The following STK32A variants were observed in gnomAD, a reference collection of about 807,000 sequenced individuals.
STK32A encodes the protein serine/threonine kinase 32A.
STK32A carries 41 observed loss-of-function variants against 53.2 expected under a neutral mutation model. The ratio of observed to expected loss-of-function variants is 0.77; its 90% confidence interval spans 0.60 to 1.00. STK32A has a LOEUF of 1.00. Ranked by LOEUF, STK32A falls within the 50% of genes least tolerant of loss-of-function variation. The pLI is 0.00. For missense variants in STK32A, 458 were observed against 485.8 expected, an observed-to-expected ratio of 0.94 and a Z score of 0.54; for synonymous variants, 166 against 162.8, an observed-to-expected ratio of 1.02 and a Z score of -0.15.
chr5:147,316,868 A>G (rs1299798227), intron 4 of STK32A, among the ~76,000 whole-genome samples: 1 of 150,818 alleles, frequency 6.6e-6, no homozygotes, highest in African/African-American at 2.4e-5. Context: ...CGAAAAAAAA[A>G]AAAAAAAAAA....
chr5:147,237,258 A>G (rs1259091673), intron 1 of STK32A, among the ~76,000 whole-genome samples: 1 of 152,064 alleles, frequency 6.6e-6, no homozygotes, highest in Non-Finnish European at 1.5e-5. Flanking sequence ...GCTTGCAGTG[A>G]GCCGAGATGG....
intron 4 of STK32A, 119 bp downstream of exon 4, chr5:147,279,517 G>A (rs1751948444): frequency 1.2e-6 from 1 of 834,630 alleles, no homozygotes; most frequent in African/African-American, 1.7e-5. Context: ...TGACACAATT[G>A]CAAGAAAGAG....
intron 8 of STK32A, among the ~76,000 whole-genome samples, chr5:147,363,762 T>G (rs1252619828): frequency 3.9e-5 from 6 of 152,346 alleles, no homozygotes; most frequent in African/African-American, 1.4e-4. Flanking sequence ...AGTGTGCTCT[T>G]CAGAACAGGC....
intron 2 of STK32A, among the ~76,000 whole-genome samples, chr5:147,263,917 T>C (rs1754694736): frequency 1.3e-5 from 2 of 152,026 alleles, no homozygotes; most frequent in African/African-American, 4.8e-5. Flanking sequence ...TCAACACAAG[T>C]ATATGAGACT....
chr5:147,320,645 T>C (rs1754266199), intron 4 of STK32A, among the ~76,000 whole-genome samples: 2 of 152,236 alleles, frequency 1.3e-5, no homozygotes, highest in South Asian at 4.1e-4. Flanking sequence ...GCATTGCACG[T>C]AACAGGGGAA....
At chr5:147,388,460 G>A (rs1464861976), downstream of STK32A, among the ~76,000 whole-genome samples, 2 of 152,184 alleles carry the variant, frequency 1.3e-5, no homozygotes, top group Non-Finnish European at 2.9e-5. Context: ...TTCTGCATGC[G>A]AAGTACCCTG....
At chr5:147,341,246 A>T (rs1401982462) in intron 5 of STK32A, among the ~76,000 whole-genome samples, 2 of 152,128 alleles carry the variant, frequency 1.3e-5, no homozygotes, top group African/African-American at 4.8e-5. Flanking sequence ...GATCTGAAAG[A>T]GGTGGAAAGA....
At chr5:147,280,372 G>T (rs1023488104) in intron 4 of STK32A, among the ~76,000 whole-genome samples, 1 of 128,434 alleles carries the variant, frequency 7.8e-6, no homozygotes, top group Non-Finnish European at 1.6e-5. Context: ...AGCAGGTATT[G>T]CTTCTCTACT....
downstream of STK32A, among the ~76,000 whole-genome samples, chr5:147,389,409 C>A (rs1236625246): frequency 6.6e-6 from 1 of 152,210 alleles, no homozygotes; most frequent in Non-Finnish European, 1.5e-5. Context: ...CCGGTGTGGC[C>A]AATTGGTCCC....
At chr5:147,350,905 A>G (rs981896711) in intron 6 of STK32A, among the ~76,000 whole-genome samples, 160 bp from the exon 7 acceptor site, 5 of 152,186 alleles carry the variant, frequency 3.3e-5, no homozygotes, top group African/African-American at 1.2e-4. Flanking sequence ...CATATCATGA[A>G]ATGGAGAATT....
At chr5:147,252,141 T>C (rs1754028035) in intron 2 of STK32A, among the ~76,000 whole-genome samples, 1 of 152,146 alleles carries the variant, frequency 6.6e-6, no homozygotes, top group South Asian at 2.1e-4. Context: ...AGCAAGACCC[T>C]GTCTCACCAA....
At chr5:147,243,914 T>C (rs1753679777) in intron 2 of STK32A, among the ~76,000 whole-genome samples, 1 of 152,196 alleles carries the variant, frequency 6.6e-6, no homozygotes, top group Non-Finnish European at 1.5e-5. Context: ...CATTTAATCA[T>C]TTTAGAATAT....
chr5:147,342,905 T>C, intron 5 of STK32A, 101 bp from the exon 6 acceptor site: 1 of 983,688 alleles, frequency 1.0e-6, no homozygotes, highest in Non-Finnish European at 1.6e-6. Context: ...GCTAGTACAC[T>C]GTTTCAACTC....
At chr5:147,345,277 T>A (rs1364122473) in intron 6 of STK32A, among the ~76,000 whole-genome samples, 1 of 152,180 alleles carries the variant, frequency 6.6e-6, no homozygotes, top group Non-Finnish European at 1.5e-5. Context: ...ATCAAAAGAA[T>A]ACTTAATTAG....
chr5:147,268,609 TC>T (rs1183441627), intron 2 of STK32A, among the ~76,000 whole-genome samples: 2 of 152,234 alleles, frequency 1.3e-5, no homozygotes, highest in African/African-American at 4.8e-5. Context: ...GTCAGCTTTA[TC>T]CTGTTGGATG....
chr5:147,375,135 AT>A lies in STK32A; in HGVS notation c.953del (p.Leu318TrpfsTer20). On this transcript the variant is annotated frameshift_variant, in exon 11 of 13. Coordinates refer to ENST00000397936, the MANE Select transcript of STK32A (RefSeq NM_001112724.2). LOFTEE classifies it high-confidence loss of function. ...CDPTFELEEM[I>X]LESKPLHKKK... ...TCCTACCTTTGAACTTGAGGAAATG[AT>A]TTTGGAGTCCAAACCTCTACATAAG... The A allele has an allele frequency of 6.2e-7, 1 of 1,609,380 alleles. No individual in the cohort carries two copies. The highest frequency in any genetic ancestry group is 8.5e-7 in the Non-Finnish European group (1 of 1,178,178).
intron 4 of STK32A, among the ~76,000 whole-genome samples, chr5:147,322,908 A>AGGGTCCTGTTAT (rs1267509002): frequency 6.6e-6 from 1 of 152,154 alleles, no homozygotes; most frequent in African/African-American, 2.4e-5. Flanking sequence ...ATGCGTGCAC[A>AGGGTCCTGTTAT]GGGTCCTGTT....
At chr5:147,344,755 C>T (rs139023730) in intron 6 of STK32A, among the ~76,000 whole-genome samples, 232 of 152,372 alleles carry the variant, frequency 1.5e-3, no homozygotes, top group African/African-American at 5.4e-3. Context: ...GGATTGAGTC[C>T]TCACTTGCTC....
At chr5:147,272,190 C>T (rs945397755) in intron 2 of STK32A, among the ~76,000 whole-genome samples, 6 of 152,138 alleles carry the variant, frequency 3.9e-5, no homozygotes, top group East Asian at 1.9e-4. Context: ...GATTTTCCTG[C>T]CTCAGCCTCC....
Sources: gnomAD v4.1 joint callset for allele counts (sites outside exome capture counted in the v4.1 genomes callset) on GRCh38, gnomAD v4.1.1 for gene constraint, MANE v1.5 for transcripts, NCBI Gene and HGNC (gene_info 2026-07-23, HGNC 2026-07-21) for gene names.